The following PLB1 variants were observed in gnomAD, a reference collection of about 807,000 sequenced individuals.
The protein encoded by PLB1 is phospholipase B1, membrane-associated.
Under a neutral mutation model 227.4 loss-of-function variants are expected in PLB1, and 242 were observed. That is an observed-to-expected ratio of 1.06 (90% CI 0.96 to 1.18). The LOEUF (loss-of-function observed/expected upper bound fraction) is 1.18, where lower values mean the gene tolerates loss of function less well. PLB1 is among the 50% of genes most tolerant of loss of function. The pLI, the probability that PLB1 is intolerant of heterozygous loss-of-function variation, is 0.00. For synonymous variants in PLB1, 757 were observed against 682.2 expected (o/e 1.11, Z -1.71); for missense variants, 1,858 against 1,816.3 (o/e 1.02, Z -0.42).
rs531605817 is a variant in PLB1 at position 28,510,013 on chromosome 2, C to G, written c.56-6795C>G. Among the ~76,000 whole-genome samples, 25 of 152,274 alleles carry G rather than the reference C, an allele frequency of 1.6e-4. 1 individual carries two copies. In the South Asian group the frequency reaches 5.0e-3, roughly 30 times the overall value. ...ATCCCAGGAACGCTTTATTGTGACA[C>G]CCCAGAGCAGTTATCATGGATGACT... On this transcript the variant is annotated intron_variant, in intron 1 of 57. Coordinates refer to ENST00000327757, the MANE Select transcript of PLB1 (RefSeq NM_153021.5).
At chr2:28,530,965 G>A (rs1406127595) in intron 8 of PLB1, among the ~76,000 whole-genome samples, 4 of 152,196 alleles carry the variant, frequency 2.6e-5, no homozygotes, top group African/African-American at 4.8e-5. Context: ...GGAAACTGAA[G>A]TTCCCAGAAG....
intron 43 of PLB1, 39 bp downstream of exon 43, chr2:28,606,606 C>A: frequency 6.3e-7 from 1 of 1,576,822 alleles, no homozygotes; most frequent in South Asian, 1.1e-5. Flanking sequence ...CTCCACAAAC[C>A]AGGGCACACA....
chr2:28,637,931 T>G (rs1007720507), intron 56 of PLB1, among the ~76,000 whole-genome samples: 4 of 152,168 alleles, frequency 2.6e-5, no homozygotes, highest in African/African-American at 9.7e-5. Flanking sequence ...TAGGAAAGAC[T>G]GGTTCTAGGA....
In PLB1 at chr2:28,625,954, C is replaced by A. The variant is rs114179943; in HGVS notation, c.3580-474C>A. On this transcript the variant is annotated intron_variant, in intron 50 of 57. Coordinates refer to ENST00000327757, the MANE Select transcript of PLB1 (RefSeq NM_153021.5). ...ACATCCTCTCTGTGGAGCACCTTATCCTAGCACCAATTGAGGGCTGGGAAG... is the reference window on the plus strand; with the variant it reads ...ACATCCTCTCTGTGGAGCACCTTATACTAGCACCAATTGAGGGCTGGGAAG... Among the ~76,000 whole-genome samples the A allele has an allele frequency of 4.6e-3, 700 of 150,688 alleles. 5 individuals are homozygous for A. Among genetic ancestry groups the A allele is most frequent in the African/African-American group, 0.016 (667 of 41,232 alleles).
chr2:28,559,872 C>T (rs2148234300), intron 17 of PLB1, among the ~76,000 whole-genome samples: 1 of 151,896 alleles, frequency 6.6e-6, no homozygotes, highest in East Asian at 1.9e-4. Context: ...ATGCCTCAGC[C>T]TCCCAAATAG....
chr2:28,605,278 G>T (rs2148305251), intron 41 of PLB1, among the ~76,000 whole-genome samples: 1 of 152,294 alleles, frequency 6.6e-6, no homozygotes, highest in South Asian at 2.1e-4. Flanking sequence ...AGAGATCTGT[G>T]AGTGGACCAG....
rs775056357 is a variant in PLB1, at chr2:28,552,953, G to A, written c.1109G>A (p.Cys370Tyr). The A allele has an allele frequency of 6.2e-7, 1 of 1,614,024 alleles. No homozygotes were observed. The highest frequency in any genetic ancestry group is 1.1e-5 in the South Asian group (1 of 91,078). Residue 370 changes from cysteine (C) to tyrosine (Y), a missense_variant, in exon 17 of 58, where the codon TGT (cysteine) becomes TAT (tyrosine). By Grantham distance (194) the Cys-to-Tyr change is radical. Coordinates refer to ENST00000327757, the MANE Select transcript of PLB1 (RefSeq NM_153021.5). Reference sequence around the variant, plus strand: ...GTAAGAGAAGGAGCGGAAATCAGATGTCCTGACAAAGACCCCTCCGATACG... The same window carrying A: ...GTAAGAGAAGGAGCGGAAATCAGATATCCTGACAAAGACCCCTCCGATACG... Reference protein sequence around the residue: ...LEVREGAEIRCPDKDPSDTVP... With the variant: ...LEVREGAEIRYPDKDPSDTVP...
At chr2:28,526,333 A>T (rs1205506765) in intron 6 of PLB1, among the ~76,000 whole-genome samples, 1 of 152,042 alleles carries the variant, frequency 6.6e-6, no homozygotes, top group South Asian at 2.1e-4. Context: ...ACCCAAGGGG[A>T]GGACCCAGCC....
chr2:28,611,080 A>G (rs888283184), intron 43 of PLB1, among the ~76,000 whole-genome samples: 1 of 152,156 alleles, frequency 6.6e-6, no homozygotes, highest in African/African-American at 2.4e-5. Flanking sequence ...CCCATTAGAC[A>G]GGAACATAGG....
Position 28,643,125 on chromosome 2 carries a change from GC to G in PLB1, c.*66del. On this transcript the variant is annotated 3_prime_UTR_variant, in exon 58 of 58. Coordinates refer to ENST00000327757, the MANE Select transcript of PLB1 (RefSeq NM_153021.5). ...ACTCTCTTCACCGCCCTCTGCCCCA[GC>G]CACTCCCGGCCACCAGGACATGCTT... The G allele has an allele frequency of 7.1e-7, 1 of 1,407,868 alleles. No homozygotes were observed. The highest frequency in any genetic ancestry group is 9.5e-7 in the Non-Finnish European group (1 of 1,053,206). The allele number at this position is 1,407,868 out of a possible 1,614,324, so 87.2% of individuals were successfully genotyped here. A position where few individuals can be genotyped will look rare whatever the true frequency, so the allele number is the denominator to read the frequency against.
chr2:28,524,255 C>T (rs1425171665), intron 4 of PLB1, among the ~76,000 whole-genome samples: 1 of 152,174 alleles, frequency 6.6e-6, no homozygotes, highest in African/African-American at 2.4e-5. Context: ...AGAGAAAATT[C>T]ACATCAGAAA....
chr2:28,597,949 T>C, intron 33 of PLB1, 56 bp from the exon 34 acceptor site: 3 of 1,532,954 alleles, frequency 2.0e-6, no homozygotes, highest in Non-Finnish European at 2.7e-6. Context: ...AGTTCCTAGA[T>C]TGATTCAACC....
At chr2:28,602,007 G>A (rs1166279379) in intron 38 of PLB1, 43 bp downstream of exon 38, 1 of 1,525,686 alleles carries the variant, frequency 6.6e-7, no homozygotes, top group Non-Finnish European at 9.1e-7. Context: ...CTCAAGCATG[G>A]TGAGGGTGAA....
chr2:28,632,892 C>A, intron 55 of PLB1, 52 bp from the exon 56 acceptor site: 1 of 1,376,802 alleles, frequency 7.3e-7, no homozygotes, highest in Non-Finnish European at 1.0e-6. Flanking sequence ...GAGTGGGGCT[C>A]AGGTAGCAGA....
chr2:28,536,188 T>G (rs1402456152), intron 9 of PLB1, among the ~76,000 whole-genome samples: 4 of 152,372 alleles, frequency 2.6e-5, no homozygotes, highest in East Asian at 3.8e-4. Flanking sequence ...AACAAGGGCC[T>G]GTGTCCACAG....
chr2:28,501,144 A>C (rs1667049404), intron 1 of PLB1, among the ~76,000 whole-genome samples: 1 of 152,224 alleles, frequency 6.6e-6, no homozygotes, highest in Non-Finnish European at 1.5e-5. Flanking sequence ...AAATTTATAA[A>C]GTTATCTTTA....
In PLB1 at chr2:28,614,049, A is replaced by G; in HGVS notation, c.3148A>G (p.Thr1050Ala). 3 of 1,612,766 alleles carry G rather than the reference A, an allele frequency of 1.9e-6. 1 individual carries two copies. Among genetic ancestry groups the G allele is most frequent in the Non-Finnish European group, 2.5e-6 (3 of 1,179,032 alleles). Reference sequence around the variant, plus strand: ...CTCTTAGAATGAGCCCTTCCTGAGAACCCCTCGGAATAGTAACTACACGTA... The same window carrying G: ...CTCTTAGAATGAGCCCTTCCTGAGAGCCCCTCGGAATAGTAACTACACGTA... ...CPTQNEPFLR[T>A]PRNSNYTYPI... The change falls in exon 44 of 58, where the codon ACC becomes GCC. Residue 1050 changes from threonine (T) to alanine (A), a missense_variant. Thr to Ala is a moderately conservative substitution (Grantham distance 58). Transcript: ENST00000327757.
chr2:28,559,713 C>T (rs986545141), intron 17 of PLB1, among the ~76,000 whole-genome samples: 9 of 149,206 alleles, frequency 6.0e-5, no homozygotes, highest in African/African-American at 2.0e-4. Context: ...AATCATCTCA[C>T]CCTGTGTTTC....
At chr2:28,604,822 A>G (rs1684434042) in intron 41 of PLB1, 63 bp downstream of exon 41, 1 of 1,448,112 alleles carries the variant, frequency 6.9e-7, no homozygotes, top group South Asian at 1.2e-5. Context: ...CAGAATTGCC[A>G]GTTGCTTCCA....
Sources: allele counts gnomAD v4.1 joint callset (sites outside exome capture counted in the v4.1 genomes callset), GRCh38; gene constraint gnomAD v4.1.1; transcripts MANE v1.5; gene names NCBI Gene and HGNC (gene_info 2026-07-23, HGNC 2026-07-21).